Variants in TGFBR3 observed in about 807,000 individuals in gnomAD.
The protein encoded by TGFBR3 is transforming growth factor beta receptor 3.
TGFBR3 carries 46 observed loss-of-function variants against 87.9 expected under a neutral mutation model. That is an observed-to-expected ratio of 0.52 (90% CI 0.41 to 0.67). TGFBR3 has a LOEUF of 0.67. Among genes scored for constraint, TGFBR3 ranks in the 30% least tolerant of loss-of-function variants. The probability of loss-of-function intolerance (pLI) is 0.00; values close to 1 mark genes in which losing one functional copy is unlikely to be tolerated. For missense variants in TGFBR3, 866 were observed against 1,041.9 expected, an observed-to-expected ratio of 0.83 and a Z score of 2.32; for synonymous variants, 381 against 391.6, an observed-to-expected ratio of 0.97 and a Z score of 0.32.
At chr1:91,749,056 A>G (rs1673443955) in intron 4 of TGFBR3, among the ~76,000 whole-genome samples, 1 of 152,160 alleles carries the variant, frequency 6.6e-6, no homozygotes, top group African/African-American at 2.4e-5. Context: ...ACAGGCCACG[A>G]GTCATTCCTC....
At chr1:91,884,197 G>A (rs60567426) in intron 1 of TGFBR3, among the ~76,000 whole-genome samples, 1 of 151,078 alleles carries the variant, frequency 6.6e-6, no homozygotes, top group Non-Finnish European at 1.5e-5. Context: ...GCGCGCGCCT[G>A]TAGTCCCAGC....
rs1674189448 is a variant in TGFBR3, at chr1:91,766,419, T to C, written c.247-7669A>G. On this transcript the variant is annotated intron_variant, in intron 3 of 16. Transcript: ENST00000212355. ...AAGCCAGTATGCTCACATGTATATG[T>C]CTTTACCAACAACAGAATGTTAGAA... 1.3e-5 allele frequency: 2 copies of C among 152,286 alleles called. 1 individual carries two copies. Among genetic ancestry groups the C allele is most frequent in the Middle Eastern group, 6.8e-3 (2 of 294 alleles). The allele number at this position is 152,286 out of a possible 1,614,324, so 9.4% of individuals were successfully genotyped here.
At chr1:91,699,590 G>A (rs1425436721) in intron 14 of TGFBR3, among the ~76,000 whole-genome samples, 1 of 152,138 alleles carries the variant, frequency 6.6e-6, no homozygotes, top group Non-Finnish European at 1.5e-5. Context: ...GGAGGCCACA[G>A]AGGAAACCAG....
At chr1:91,773,491 C>A (rs956254933) in intron 3 of TGFBR3, among the ~76,000 whole-genome samples, 4 of 152,052 alleles carry the variant, frequency 2.6e-5, no homozygotes, top group Non-Finnish European at 5.9e-5. Flanking sequence ...ACCAGCCTGG[C>A]CAATATGGTG....
intron 15 of TGFBR3, among the ~76,000 whole-genome samples, chr1:91,696,107 G>C (rs1013813467): frequency 6.6e-6 from 1 of 152,148 alleles, no homozygotes; most frequent in East Asian, 1.9e-4. Flanking sequence ...TGAATGGAGG[G>C]TAGCTTGAAA....
chr1:91,716,562 A>G lies in TGFBR3; in HGVS notation c.1707+6T>C. 6.2e-7 allele frequency: 1 copy of G among 1,614,076 alleles called. No individual in the cohort carries two copies. The highest frequency in any genetic ancestry group is 1.3e-5 in the African/African-American group (1 of 75,038). On this transcript the variant is annotated splice_donor_region_variant and intron_variant, in intron 11 of 16. Coordinates refer to ENST00000212355, the MANE Select transcript of TGFBR3 (RefSeq NM_003243.5). ...CACAAACCCCCTACTGATAACAAAC[A>G]CATACCACCACGATTTCAGGTCGGG... is the stretch of plus-strand genomic sequence containing the variant.
In TGFBR3 at chr1:91,759,331, A is replaced by C. The variant is rs17881722; in HGVS notation, c.247-581T>G. On this transcript the variant is annotated intron_variant, in intron 3 of 16. Coordinates refer to ENST00000212355, the MANE Select transcript of TGFBR3 (RefSeq NM_003243.5). ...TTAGCTTGAAGGGCTTTTCCAAAGA[A>C]ATGAAGCACAGAGGACACACAGAAT... Among the ~76,000 whole-genome samples, 65 of 151,172 alleles carry C rather than the reference A, an allele frequency of 4.3e-4. No homozygotes were observed. In the East Asian group the frequency reaches 9.8e-3, roughly 23 times the overall value.
intron 1 of TGFBR3, among the ~76,000 whole-genome samples, chr1:91,877,134 C>A (rs1387098573): frequency 2.0e-5 from 3 of 152,070 alleles, no homozygotes; most frequent in Non-Finnish European, 4.4e-5. Context: ...ACGTAAATCC[C>A]CTATTATTAT....
In TGFBR3 at chr1:91,844,419, T is replaced by G. The variant is rs577170289; in HGVS notation, c.61+17052A>C. Among the ~76,000 whole-genome samples the G allele has an allele frequency of 2.1e-3, 314 of 152,146 alleles. 2 individuals carry two copies. Among genetic ancestry groups the G allele is most frequent in the African/African-American group, 7.0e-3 (292 of 41,512 alleles). On this transcript the variant is annotated intron_variant, in intron 2 of 16. Transcript: ENST00000212355. ...TTGTTCACATTTGGACACACTAGAG[T>G]CTTCAAAAGAAACTAGTGAAAACTA...
chr1:91,828,691 GGCACA>G (rs1676736094), intron 2 of TGFBR3, among the ~76,000 whole-genome samples: 2 of 152,140 alleles, frequency 1.3e-5, no homozygotes, highest in African/African-American at 4.8e-5. Context: ...CAAGCCCCAA[GGCACA>G]CTACTAAAGT....
chr1:91,766,148 AG>A (rs1306073549), intron 3 of TGFBR3, among the ~76,000 whole-genome samples: 1 of 151,420 alleles, frequency 6.6e-6, no homozygotes, highest in Non-Finnish European at 1.5e-5. Context: ...TGGCCTCCCA[AG>A]TAGCTATGGC....
chr1:91,873,949 CA>C (rs769246405), intron 1 of TGFBR3, among the ~76,000 whole-genome samples: 4,154 of 104,730 alleles, frequency 0.04, 59 homozygotes, highest in African/African-American at 0.054. Flanking sequence ...GACCCTGCCA[CA>C]AAAAAAAAAA....
At chr1:91,726,076 C>T (rs970407326) in intron 7 of TGFBR3, among the ~76,000 whole-genome samples, 1 of 152,092 alleles carries the variant, frequency 6.6e-6, no homozygotes, top group Non-Finnish European at 1.5e-5. Flanking sequence ...AGCGTACAGC[C>T]AAGGAGAGGA....
At chr1:91,856,735 T>C (rs1000247236) in intron 2 of TGFBR3, among the ~76,000 whole-genome samples, 1 of 152,252 alleles carries the variant, frequency 6.6e-6, no homozygotes, top group Non-Finnish European at 1.5e-5. Flanking sequence ...CCTTCTGCTC[T>C]GATGACCTGT....
At chr1:91,710,139 C>T (rs1341716410) in intron 13 of TGFBR3, among the ~76,000 whole-genome samples, 1 of 152,178 alleles carries the variant, frequency 6.6e-6, no homozygotes, top group East Asian at 1.9e-4. Flanking sequence ...GCAGGCATCC[C>T]AAAAAGCTAA....
intron 3 of TGFBR3, among the ~76,000 whole-genome samples, chr1:91,796,775 A>C (rs1675397101): frequency 6.6e-6 from 1 of 152,128 alleles, no homozygotes; most frequent in Admixed American, 6.5e-5. Context: ...CTGGAGTGCA[A>C]TGGCAATCAC....
intron 2 of TGFBR3, among the ~76,000 whole-genome samples, chr1:91,807,205 T>C (rs1274143443): frequency 6.6e-6 from 1 of 152,242 alleles, no homozygotes; most frequent in East Asian, 1.9e-4. Context: ...CCACAGCTCC[T>C]ACCTGGGTTT....
intron 2 of TGFBR3, among the ~76,000 whole-genome samples, chr1:91,852,823 G>A (rs1055991872): frequency 2.0e-5 from 3 of 152,114 alleles, no homozygotes; most frequent in African/African-American, 7.2e-5. Context: ...CTTTCCTTGT[G>A]TATCAAAAAG....
chr1:91,749,953 G>A (rs1182438085), intron 4 of TGFBR3, among the ~76,000 whole-genome samples: 2 of 152,222 alleles, frequency 1.3e-5, no homozygotes, highest in Non-Finnish European at 2.9e-5. Flanking sequence ...GGGAAGGGCA[G>A]ATGCATCTGA....
Sources: allele counts gnomAD v4.1 joint callset (sites outside exome capture counted in the v4.1 genomes callset), GRCh38; gene constraint gnomAD v4.1.1; transcripts MANE v1.5; gene names NCBI Gene and HGNC (gene_info 2026-07-23, HGNC 2026-07-21).